The following SETDB2 variants were observed in gnomAD, a reference collection of about 807,000 sequenced individuals.
SETDB2 encodes the protein histone-lysine N-methyltransferase SETDB2.
In SETDB2, 56 loss-of-function variants were observed where a neutral mutation model predicts 82.5. That is an observed-to-expected ratio of 0.68 (90% CI 0.55 to 0.85). The LOEUF is 0.85. Among genes scored for constraint, SETDB2 ranks in the 40% least tolerant of loss-of-function variants. The probability of loss-of-function intolerance (pLI) is 0.00; values close to 1 mark genes in which losing one functional copy is unlikely to be tolerated. For synonymous variants in SETDB2, 272 were observed against 284.9 expected, an observed-to-expected ratio of 0.95 and a Z score of 0.46; for missense variants, 677 against 816.4, an observed-to-expected ratio of 0.83 and a Z score of 2.08.
chr13:49,463,301 G>A (rs1427336560), intron 4 of SETDB2, among the ~76,000 whole-genome samples: 4 of 152,044 alleles, frequency 2.6e-5, no homozygotes, highest in African/African-American at 7.2e-5. Flanking sequence ...GTGAGCCACC[G>A]CGCCTGGTCA....
intron 5 of SETDB2, 104 bp from the exon 6 acceptor site, chr13:49,476,372 C>A: frequency 2.6e-6 from 2 of 780,296 alleles, no homozygotes; most frequent in South Asian, 1.9e-5. Context: ...TAGAGTCTGG[C>A]TTATTTTAAT....
chr13:49,479,058 C>A (rs868234501), intron 6 of SETDB2, among the ~76,000 whole-genome samples: 5 of 151,996 alleles, frequency 3.3e-5, no homozygotes, highest in Admixed American at 2.0e-4. Context: ...ACAAAAAAAG[C>A]AAGTTATAGA....
rs146695826 is a variant in SETDB2 at position 49,475,241 on chromosome 13, G to A, written c.306-1235G>A. ...TTATTCACTATCACGAGAACAGCAC[G>A]GGAAAGACCTGCACCCATGATTCAA... On this transcript the variant is annotated intron_variant, in intron 5 of 13. Coordinates refer to ENST00000611815, the MANE Select transcript of SETDB2 (RefSeq NM_001160308.3). 5.5e-3 allele frequency among the ~76,000 whole-genome samples: 844 copies of A among 152,124 alleles called. 10 individuals carry two copies. The highest frequency in any genetic ancestry group is 0.034 in the Middle Eastern group (10 of 294).
rs1235869026 is a variant in SETDB2, at chr13:49,494,516, CTCTT to C, written c.*2669_*2672del. 6.6e-6 allele frequency: 1 copy of C among 152,140 alleles called. No homozygotes were observed. The highest frequency in any genetic ancestry group is 1.5e-5 in the Non-Finnish European group (1 of 68,034). The allele number at this position is 152,140 out of a possible 1,614,324, so 9.4% of individuals were successfully genotyped here. The stretch of plus-strand genomic sequence containing the variant: ...TATAAGCTGAGAGTGTGGTAAAGGG[CTCTT>C]TGTTTTACTATGACCTACCTGAGCT... On this transcript the variant is annotated 3_prime_UTR_variant, in exon 14 of 14. Transcript: ENST00000611815.
At chr13:49,491,564 T>G (rs1347854513) in intron 13 of SETDB2, among the ~76,000 whole-genome samples, 168 bp from the exon 14 acceptor site, 1 of 152,230 alleles carries the variant, frequency 6.6e-6, no homozygotes, top group Non-Finnish European at 1.5e-5. Context: ...GAAATAAAAC[T>G]CAAATGGTTA....
rs1342571522 is a variant in SETDB2, at chr13:49,472,474, G to A, written c.306-4002G>A. Among the ~76,000 whole-genome samples, 6 of 152,152 alleles carry A rather than the reference G, an allele frequency of 3.9e-5. No individual in the cohort carries two copies. The East Asian group carries it at 1.2e-3, about 29-fold the overall frequency. The stretch of plus-strand genomic sequence containing the variant: ...TGGCAAGCAGGTCCAGACAGCCGTG[G>A]ACTTCTCCTTCTCACTACTTACTCC... On this transcript the variant is annotated intron_variant, in intron 5 of 13. Transcript: ENST00000611815.
At chr13:49,485,843 T>C (rs1470997261) in intron 11 of SETDB2, 120 bp downstream of exon 11, 1 of 962,884 alleles carries the variant, frequency 1.0e-6, no homozygotes, top group Non-Finnish European at 1.7e-6. Flanking sequence ...GTCAGAAAGG[T>C]TACAACTTGT....
chr13:49,462,720 A>C (rs1054596330), intron 4 of SETDB2, among the ~76,000 whole-genome samples: 1 of 152,198 alleles, frequency 6.6e-6, no homozygotes, highest in Non-Finnish European at 1.5e-5. Context: ...TTTGTCTTTT[A>C]TAATTTGGAG....
intron 1 of SETDB2, chr13:49,445,962 G>A (rs981607206): frequency 1.8e-5 from 3 of 165,272 alleles, no homozygotes; most frequent in Non-Finnish European, 3.9e-5. Flanking sequence ...ATCTATGGCC[G>A]TGCGCGGTGG....
intron 3 of SETDB2, among the ~76,000 whole-genome samples, chr13:49,460,499 A>C (rs1457605957): frequency 1.3e-5 from 2 of 152,172 alleles, no homozygotes. Flanking sequence ...ATTATTCCAC[A>C]TTCAGAGACA....
chr13:49,465,021 A>G (rs1398097630), intron 4 of SETDB2, among the ~76,000 whole-genome samples: 2 of 152,094 alleles, frequency 1.3e-5, no homozygotes, highest in South Asian at 4.2e-4. Flanking sequence ...AGCTGGGATC[A>G]CACTACTGTA....
At chr13:49,473,689 C>G (rs1236706974) in intron 5 of SETDB2, among the ~76,000 whole-genome samples, 4 of 151,976 alleles carry the variant, frequency 2.6e-5, no homozygotes, top group East Asian at 3.9e-4. Flanking sequence ...TTTACTATCT[C>G]TATAAATCTG....
chr13:49,488,777 A>G, intron 12 of SETDB2, 147 bp downstream of exon 12: 1 of 629,128 alleles, frequency 1.6e-6, no homozygotes, highest in Non-Finnish European at 2.7e-6. Context: ...TGGATGTTTT[A>G]CTTGACCTCT....
intron 4 of SETDB2, among the ~76,000 whole-genome samples, chr13:49,461,778 G>A (rs1957998344): frequency 1.3e-5 from 2 of 152,128 alleles, no homozygotes; most frequent in Admixed American, 1.3e-4. Flanking sequence ...CAGATTAAGG[G>A]CTCATTCCCA....
At chr13:49,480,178 C>A in intron 6 of SETDB2, 41 bp from the exon 7 acceptor site, 1 of 1,327,350 alleles carries the variant, frequency 7.5e-7, no homozygotes, top group Non-Finnish European at 1.1e-6. Context: ...ACTTGACTTG[C>A]TGCTTTTTCA....
intron 5 of SETDB2, among the ~76,000 whole-genome samples, chr13:49,471,934 A>ATATATATATATATATATATT (rs1378783393): frequency 8.4e-6 from 1 of 119,260 alleles, no homozygotes; most frequent in African/African-American, 3.6e-5. Flanking sequence ...ATATATATAT[A>ATATATATATATATATATATT]TTTTTTTTTT....
In SETDB2 at chr13:49,493,358, T is replaced by G. The variant is rs1382632930; in HGVS notation, c.*1509T>G. On this transcript the variant is annotated 3_prime_UTR_variant, in exon 14 of 14. Coordinates refer to ENST00000611815, the MANE Select transcript of SETDB2 (RefSeq NM_001160308.3). Reference sequence around the variant, plus strand: ...TATTATGGATCAGCCAGTATTTCTTTGAGCTCTGCCTGTGGAGTCCATTTG... The same window carrying G: ...TATTATGGATCAGCCAGTATTTCTTGGAGCTCTGCCTGTGGAGTCCATTTG... The G allele has an allele frequency of 6.6e-6, 1 of 152,268 alleles. No individual in the cohort carries two copies. The highest frequency in any genetic ancestry group is 1.9e-4 in the East Asian group (1 of 5,206). The allele number at this position is 152,268 out of a possible 1,614,324, so 9.4% of individuals were successfully genotyped here. A position where few individuals can be genotyped will look rare whatever the true frequency, so the allele number is the denominator to read the frequency against.
At chr13:49,475,208 C>T (rs1306978976) in intron 5 of SETDB2, among the ~76,000 whole-genome samples, 3 of 152,092 alleles carry the variant, frequency 2.0e-5, no homozygotes. Flanking sequence ...CATCAGATCT[C>T]GTGAGACTTA....
At chr13:49,484,429 C>T (rs1409873802) in intron 10 of SETDB2, among the ~76,000 whole-genome samples, 1 of 152,104 alleles carries the variant, frequency 6.6e-6, no homozygotes, top group African/African-American at 2.4e-5. Context: ...GCCACCATGC[C>T]CAGCTACTTT....
Sources: gnomAD v4.1 joint callset for allele counts (sites outside exome capture counted in the v4.1 genomes callset) on GRCh38, gnomAD v4.1.1 for gene constraint, MANE v1.5 for transcripts, NCBI Gene and HGNC (gene_info 2026-07-23, HGNC 2026-07-21) for gene names.